The following DOK6 variants were observed in gnomAD, a reference collection of about 807,000 sequenced individuals.
DOK6 encodes the protein docking protein 6.
DOK6 carries 22 observed loss-of-function variants against 44.0 expected under a neutral mutation model. The ratio of observed to expected loss-of-function variants is 0.50; its 90% CI spans 0.36 to 0.71. The LOEUF is 0.71. Ranked by LOEUF, DOK6 falls within the 30% of genes least tolerant of loss-of-function variation. The pLI is 0.00. For missense variants in DOK6, 340 were observed against 416.4 expected (o/e 0.82, Z 1.60); for synonymous variants, 166 against 145.5 (o/e 1.14, Z -1.01).
chr18:69,700,262 T>A (rs550735480), intron 5 of DOK6, among the ~76,000 whole-genome samples: 5 of 141,428 alleles, frequency 3.5e-5, no homozygotes, highest in African/African-American at 1.3e-4. Context: ...TAAGGTTTTG[T>A]CGGGGTTGGG....
chr18:69,633,539 T>C (rs1404456486), intron 3 of DOK6, among the ~76,000 whole-genome samples: 2 of 152,226 alleles, frequency 1.3e-5, no homozygotes, highest in Non-Finnish European at 2.9e-5. Flanking sequence ...TGCCGTAGTT[T>C]AAAATTATTT....
In DOK6 at chr18:69,605,913, A is replaced by G. The variant is rs1303146342; in HGVS notation, c.289+6415A>G. The stretch of plus-strand genomic sequence containing the variant: ...GTAAGGCAAGAAAGAGAAATAAAAG[A>G]CATACAGATTGGAAAGCAATGAATA... On this transcript the variant is annotated intron_variant, in intron 3 of 7. Coordinates refer to ENST00000382713, the MANE Select transcript of DOK6 (RefSeq NM_152721.6). 3.3e-5 allele frequency among the ~76,000 whole-genome samples: 5 copies of G among 152,312 alleles called. No homozygotes were observed. The East Asian group carries it at 9.7e-4, about 29-fold the overall frequency.
Position 69,702,013 on chromosome 18 carries a change from T to C in DOK6, c.599+3420T>C, listed in dbSNP as rs183488647. 1.1e-4 allele frequency among the ~76,000 whole-genome samples: 16 copies of C among 151,958 alleles called. No individual in the cohort carries two copies. The East Asian group carries it at 2.9e-3, about 27-fold the overall frequency. On this transcript the variant is annotated intron_variant, in intron 5 of 7. Coordinates refer to ENST00000382713, the MANE Select transcript of DOK6 (RefSeq NM_152721.6). ...TACAAAAGCATAAAAATATAATTAATACATAATAAATATGAATTATGTTAT... is the reference window on the plus strand; with the variant it reads ...TACAAAAGCATAAAAATATAATTAACACATAATAAATATGAATTATGTTAT...
intron 7 of DOK6, among the ~76,000 whole-genome samples, chr18:69,789,852 T>C (rs1282865344): frequency 1.3e-5 from 2 of 152,162 alleles, no homozygotes; most frequent in Admixed American, 6.6e-5. Flanking sequence ...TCCAGCAAGT[T>C]TTCTGCCACT....
At chr18:69,673,228 G>GTATATATA (rs1985847137) in intron 3 of DOK6, among the ~76,000 whole-genome samples, 2 of 110,330 alleles carry the variant, frequency 1.8e-5, no homozygotes, top group African/African-American at 6.1e-5. Context: ...TATTTTCTGT[G>GTATATATA]TGTATATATA....
intron 3 of DOK6, among the ~76,000 whole-genome samples, chr18:69,672,219 C>T (rs142747649): frequency 6.6e-6 from 1 of 152,252 alleles, no homozygotes; most frequent in Non-Finnish European, 1.5e-5. Context: ...GAAAACTAAT[C>T]GTACCCCCAT....
At chr18:69,458,738 A>G (rs890918606) in intron 1 of DOK6, among the ~76,000 whole-genome samples, 1 of 152,170 alleles carries the variant, frequency 6.6e-6, no homozygotes. Context: ...CTATACACCA[A>G]TAATGCCCAG....
chr18:69,543,474 C>T (rs1477792810), intron 1 of DOK6, among the ~76,000 whole-genome samples: 1 of 151,528 alleles, frequency 6.6e-6, no homozygotes, highest in Non-Finnish European at 1.5e-5. Context: ...ATTTCAACTA[C>T]ATCTCTATTT....
At chr18:69,734,889 A>C (rs1442089025) in intron 5 of DOK6, among the ~76,000 whole-genome samples, 1 of 152,130 alleles carries the variant, frequency 6.6e-6, no homozygotes, top group Non-Finnish European at 1.5e-5. Context: ...GTGGCATTTC[A>C]AAGTCACGCC....
intron 1 of DOK6, among the ~76,000 whole-genome samples, chr18:69,423,772 T>C (rs1978561591): frequency 6.6e-6 from 1 of 152,200 alleles, no homozygotes; most frequent in South Asian, 2.1e-4. Flanking sequence ...ATTCCAAACA[T>C]ACAAAGAACA....
intron 7 of DOK6, among the ~76,000 whole-genome samples, chr18:69,831,562 G>C (rs1418480580): frequency 6.6e-6 from 1 of 152,138 alleles, no homozygotes; most frequent in Non-Finnish European, 1.5e-5. Context: ...ATGAACAGTG[G>C]TTATTATATT....
intron 2 of DOK6, among the ~76,000 whole-genome samples, chr18:69,589,791 A>C (rs569124953): frequency 1.3e-5 from 2 of 152,170 alleles, no homozygotes. Context: ...TATATATTCC[A>C]AATTTTACCG....
At chr18:69,667,549 C>A (rs1454262975) in intron 3 of DOK6, among the ~76,000 whole-genome samples, 1 of 152,174 alleles carries the variant, frequency 6.6e-6, no homozygotes, top group African/African-American at 2.4e-5. Flanking sequence ...GGTAGCTATG[C>A]TCTCCAGGTT....
intron 1 of DOK6, among the ~76,000 whole-genome samples, chr18:69,555,014 A>G (rs994508268): frequency 5.9e-5 from 9 of 152,150 alleles, no homozygotes; most frequent in Non-Finnish European, 1.2e-4. Flanking sequence ...TATTCTGGAT[A>G]TGTACCCATT....
rs34546311 is a variant in DOK6, at chr18:69,807,610, T to C, written c.857-33634T>C. ...TAAAATGATAGAAAAACATATTCCA[T>C]GCAAATAGAAACCAAAAGAGAGCAG... On this transcript the variant is annotated intron_variant, in intron 7 of 7. Coordinates refer to ENST00000382713, the MANE Select transcript of DOK6 (RefSeq NM_152721.6). Among the ~76,000 whole-genome samples, 627 of 151,902 alleles carry C rather than the reference T, an allele frequency of 4.1e-3. 2 individuals carry two copies. The highest frequency in any genetic ancestry group is 6.9e-3 in the Non-Finnish European group (465 of 67,832).
intron 1 of DOK6, among the ~76,000 whole-genome samples, chr18:69,459,563 A>G (rs976940770): frequency 2.6e-5 from 4 of 152,192 alleles, no homozygotes; most frequent in African/African-American, 7.2e-5. Context: ...GCAAATCCCA[A>G]TCAGCATTGT....
chr18:69,582,049 G>A (rs1022790128), intron 2 of DOK6, among the ~76,000 whole-genome samples: 29 of 152,294 alleles, frequency 1.9e-4, no homozygotes, highest in African/African-American at 6.5e-4. Context: ...GATCCTGTTT[G>A]TTGAAATTAG....
chr18:69,786,954 G>A (rs565493256), intron 7 of DOK6, among the ~76,000 whole-genome samples: 2 of 152,290 alleles, frequency 1.3e-5, no homozygotes, highest in African/African-American at 2.4e-5. Flanking sequence ...GGTGGCTCAC[G>A]CCTGTAATCC....
At chr18:69,638,488 C>CT (rs5825959) in intron 3 of DOK6, among the ~76,000 whole-genome samples, 79,084 of 148,798 alleles carry the variant, frequency 0.53, 21,284 homozygotes, top group East Asian at 0.85. Flanking sequence ...TATACTTATT[C>CT]TTTTTTTTTT....
Sources: gnomAD v4.1 joint callset for allele counts (sites outside exome capture counted in the v4.1 genomes callset) on GRCh38, gnomAD v4.1.1 for gene constraint, MANE v1.5 for transcripts, NCBI Gene and HGNC (gene_info 2026-07-23, HGNC 2026-07-21) for gene names.